WIF1: variants seen among roughly 807,000 people sequenced by gnomAD.
WIF1 encodes Wnt inhibitory factor 1.
Under a neutral mutation model 53.5 loss-of-function variants are expected in WIF1, and 35 were observed. That is an observed-to-expected ratio of 0.65 (90% confidence interval 0.50 to 0.87). WIF1 has a LOEUF of 0.87. Ranked by LOEUF, WIF1 falls within the 40% of genes least tolerant of loss-of-function variation. The pLI is 0.00. For missense variants in WIF1, 467 were observed against 476.8 expected (o/e 0.98, Z 0.19); for synonymous variants, 171 against 170.4 (o/e 1.00, Z -0.03).
At chr12:65,115,438 A>T (rs1883494425) in intron 2 of WIF1, among the ~76,000 whole-genome samples, 1 of 152,186 alleles carries the variant, frequency 6.6e-6, no homozygotes, top group Non-Finnish European at 1.5e-5. Context: ...AAAACTTCTC[A>T]TTAAATTTTT....
At chr12:65,059,530 G>A (rs1266729087) in intron 7 of WIF1, among the ~76,000 whole-genome samples, 2 of 152,130 alleles carry the variant, frequency 1.3e-5, no homozygotes, top group Admixed American at 6.5e-5. Context: ...AAATCCATGA[G>A]TCTTAGATAA....
intron 2 of WIF1, among the ~76,000 whole-genome samples, chr12:65,099,877 G>GATCT (rs1883254683): frequency 1.3e-5 from 2 of 152,030 alleles, no homozygotes; most frequent in Non-Finnish European, 2.9e-5. Context: ...TTTTGACGTT[G>GATCT]ATCTACTTGT....
At chr12:65,066,496 G>C (rs756933040) in intron 6 of WIF1, 145 bp downstream of exon 6, 1 of 543,648 alleles carries the variant, frequency 1.8e-6, no homozygotes, top group East Asian at 3.7e-5. Flanking sequence ...ACTAAAATTG[G>C]GATTTCAGTT....
intron 2 of WIF1, among the ~76,000 whole-genome samples, chr12:65,100,206 A>G (rs1367770999): frequency 1.3e-5 from 2 of 152,180 alleles, no homozygotes; most frequent in African/African-American, 2.4e-5. Flanking sequence ...CTAGAAGTAT[A>G]ATTTATAATG....
At chr12:65,096,718 A>G (rs1171435856) in intron 2 of WIF1, among the ~76,000 whole-genome samples, 1 of 152,192 alleles carries the variant, frequency 6.6e-6, no homozygotes, top group Non-Finnish European at 1.5e-5. Context: ...CTTTGCAGGG[A>G]CATGGATGAA....
intron 2 of WIF1, among the ~76,000 whole-genome samples, chr12:65,079,323 A>C (rs1235666400): frequency 3.3e-5 from 5 of 152,148 alleles, no homozygotes; most frequent in African/African-American, 1.2e-4. Context: ...AGAAATAGAA[A>C]GTTTGAATAG....
intron 2 of WIF1, among the ~76,000 whole-genome samples, chr12:65,115,351 C>T (rs970895273): frequency 6.6e-6 from 1 of 152,034 alleles, no homozygotes; most frequent in African/African-American, 2.4e-5. Flanking sequence ...TAAATAAAAA[C>T]CTTTTGGCCT....
rs151033370 is a variant in WIF1, at chr12:65,059,136, T to C, written c.827-3010A>G. On this transcript the variant is annotated intron_variant, in intron 7 of 9. Transcript: ENST00000286574. ...GTTTCAGCTGGTGGCATTTTTACTA[T>C]AACCAATAGATGAGTCCTTGTAAGA... Among the ~76,000 whole-genome samples the C allele has an allele frequency of 2.1e-3, 323 of 152,224 alleles. 9 individuals carry two copies. In the East Asian group the frequency reaches 0.047, roughly 22 times the overall value.
At chr12:65,077,670 G>A in intron 3 of WIF1, 76 bp downstream of exon 3, 1 of 1,070,020 alleles carries the variant, frequency 9.3e-7, no homozygotes, top group South Asian at 1.4e-5. Flanking sequence ...CTCTGATGTA[G>A]GACATTTGCA....
rs931038272 is a variant in WIF1, at chr12:65,112,975, A to T, written c.288+7442T>A. Reference sequence around the variant, plus strand: ...AGCCAATCCTGTACTTCCTAACCTCATTTGGATGAGTGAGATTAATATTTG... The same window carrying T: ...AGCCAATCCTGTACTTCCTAACCTCTTTTGGATGAGTGAGATTAATATTTG... On this transcript the variant is annotated intron_variant, in intron 2 of 9. Coordinates refer to ENST00000286574, the MANE Select transcript of WIF1 (RefSeq NM_007191.5). 9.2e-5 allele frequency among the ~76,000 whole-genome samples: 14 copies of T among 152,098 alleles called. 1 individual carries two copies. In the East Asian group the frequency reaches 2.7e-3, roughly 29 times the overall value.
intron 3 of WIF1, among the ~76,000 whole-genome samples, chr12:65,069,865 A>G (rs984905125): frequency 2.0e-5 from 3 of 152,174 alleles, no homozygotes; most frequent in East Asian, 3.8e-4. Flanking sequence ...GGTTATTATA[A>G]CATATCCACT....
At chr12:65,115,174 TA>T (rs35429732) in intron 2 of WIF1, among the ~76,000 whole-genome samples, 57,857 of 106,538 alleles carry the variant, frequency 0.54, 15,236 homozygotes, top group East Asian at 0.74. Flanking sequence ...TTGTCATTGC[TA>T]AAAAAAAAAA....
intron 2 of WIF1, among the ~76,000 whole-genome samples, chr12:65,109,606 A>C (rs1276109805): frequency 6.6e-6 from 1 of 152,250 alleles, no homozygotes; most frequent in Non-Finnish European, 1.5e-5. Flanking sequence ...GACCAAGGAC[A>C]TACTAAGCAC....
At chr12:65,112,477 G>T (rs199863228) in intron 2 of WIF1, among the ~76,000 whole-genome samples, 1 of 141,600 alleles carries the variant, frequency 7.1e-6, no homozygotes, top group Non-Finnish European at 1.5e-5. Flanking sequence ...ACTAATCATT[G>T]CAACTCTTTT....
intron 2 of WIF1, among the ~76,000 whole-genome samples, chr12:65,097,174 G>C (rs1389913199): frequency 6.8e-6 from 1 of 147,526 alleles, no homozygotes; most frequent in African/African-American, 2.5e-5. Flanking sequence ...AAAAAAAAAA[G>C]AACAGCTCTG....
chr12:65,093,985 C>T (rs1883164009), intron 2 of WIF1, among the ~76,000 whole-genome samples: 1 of 152,162 alleles, frequency 6.6e-6, no homozygotes, highest in Non-Finnish European at 1.5e-5. Context: ...CCATGGCAAA[C>T]AGTGACGGTT....
chr12:65,061,106 G>A (rs1446551088), intron 7 of WIF1, among the ~76,000 whole-genome samples: 3 of 152,084 alleles, frequency 2.0e-5, no homozygotes, highest in Non-Finnish European at 2.9e-5. Context: ...ATCTTTATCC[G>A]GGAAGGGTAA....
intron 6 of WIF1, among the ~76,000 whole-genome samples, chr12:65,062,852 T>C (rs1403229568): frequency 6.6e-5 from 10 of 152,132 alleles, no homozygotes; most frequent in Non-Finnish European, 1.2e-4. Flanking sequence ...AAATTAGCTT[T>C]TTAATTTTCT....
At chr12:65,059,535 A>C (rs1321055144) in intron 7 of WIF1, among the ~76,000 whole-genome samples, 1 of 152,220 alleles carries the variant, frequency 6.6e-6, no homozygotes, top group Non-Finnish European at 1.5e-5. Flanking sequence ...CATGAGTCTT[A>C]GATAACAAGA....
Sources: gnomAD v4.1 joint callset for allele counts (sites outside exome capture counted in the v4.1 genomes callset) on GRCh38, gnomAD v4.1.1 for gene constraint, MANE v1.5 for transcripts, NCBI Gene and HGNC (gene_info 2026-07-23, HGNC 2026-07-21) for gene names.